Variants in CGNL1 observed in about 807,000 individuals in gnomAD.
CGNL1 encodes the protein cingulin like 1.
CGNL1 carries 132 observed loss-of-function variants against 141.2 expected under a neutral mutation model. The ratio of observed to expected loss-of-function variants is 0.93; its 90% CI spans 0.81 to 1.08. The LOEUF is 1.08. Among genes scored for constraint, CGNL1 ranks in the 50% least tolerant of loss-of-function variants. CGNL1 has a pLI of 0.00. For synonymous variants in CGNL1, 690 were observed against 622.1 expected, an observed-to-expected ratio of 1.11 and a Z score of -1.63; for missense variants, 1,870 against 1,588.6, an observed-to-expected ratio of 1.18 and a Z score of -3.01.
intron 13 of CGNL1, among the ~76,000 whole-genome samples, chr15:57,530,907 C>A (rs1054037793): frequency 2.6e-5 from 4 of 152,172 alleles, no homozygotes; most frequent in Non-Finnish European, 5.9e-5. Flanking sequence ...ACTTGGAATG[C>A]CAATTGCTTT....
At chr15:57,518,920 G>C (rs2031048164) in intron 10 of CGNL1, among the ~76,000 whole-genome samples, 1 of 152,252 alleles carries the variant, frequency 6.6e-6, no homozygotes, top group African/African-American at 2.4e-5. Context: ...AAGGCCGGCA[G>C]GACTGGCCTC....
intron 8 of CGNL1, among the ~76,000 whole-genome samples, chr15:57,493,900 G>A (rs544673322): frequency 1.3e-5 from 2 of 152,204 alleles, no homozygotes; most frequent in African/African-American, 4.8e-5. Flanking sequence ...ATTGGTCCAG[G>A]TACTGGAGCT....
rs530437837 is a variant in CGNL1 at position 57,461,709 on chromosome 15, A to G, written c.2220A>G (p.Gln740=). Residue 740 remains glutamine (Q), a synonymous_variant, in exon 8 of 19, where the codon CAA becomes CAG. Transcript: ENST00000281282. ...TCTTACAGGCAAAACAGGATCTTCA[A>G]GATCTGCTGATTGCCAAAGAGGAGC... ...EELLQAKQDL[Q]DLLIAKEEQE... is the part of the protein sequence containing the mutation. The G allele has an allele frequency of 1.2e-6, 2 of 1,614,132 alleles. No homozygotes were observed. Among genetic ancestry groups the G allele is most frequent in the African/African-American group, 1.3e-5 (1 of 75,040 alleles).
chr15:57,505,279 T>A (rs761711232), intron 8 of CGNL1, among the ~76,000 whole-genome samples: 8 of 152,196 alleles, frequency 5.3e-5, no homozygotes, highest in Non-Finnish European at 4.4e-5. Context: ...CACACCATTA[T>A]CTTTCATTTT....
chr15:57,486,611 G>A (rs2063788913), intron 8 of CGNL1, among the ~76,000 whole-genome samples: 1 of 152,188 alleles, frequency 6.6e-6, no homozygotes, highest in Admixed American at 6.5e-5. Context: ...AGCTTGTCAA[G>A]GGTGACCTTC....
At chr15:57,475,977 T>A (rs1324655110) in intron 8 of CGNL1, among the ~76,000 whole-genome samples, 1 of 152,132 alleles carries the variant, frequency 6.6e-6, no homozygotes, top group Non-Finnish European at 1.5e-5. Flanking sequence ...GTCCCTCGGG[T>A]GGCATTTATT....
chr15:57,503,601 G>GT (rs2064058804), intron 8 of CGNL1, among the ~76,000 whole-genome samples: 1 of 152,138 alleles, frequency 6.6e-6, no homozygotes, highest in Admixed American at 6.5e-5. Context: ...AGTGGAAGGG[G>GT]TGTGTTATTA....
intron 1 of CGNL1, among the ~76,000 whole-genome samples, chr15:57,395,352 A>C (rs1168944268): frequency 6.6e-6 from 1 of 152,236 alleles, no homozygotes; most frequent in Non-Finnish European, 1.5e-5. Context: ...TGCAAAAAGC[A>C]GCTAATGCTT....
At chr15:57,532,682 G>A (rs527343558) in intron 14 of CGNL1, among the ~76,000 whole-genome samples, 1 of 152,322 alleles carries the variant, frequency 6.6e-6, no homozygotes, top group Admixed American at 6.5e-5. Flanking sequence ...TCATAGGTGT[G>A]TGTACTGCTA....
intron 8 of CGNL1, among the ~76,000 whole-genome samples, chr15:57,475,797 C>T (rs1388077581): frequency 1.3e-5 from 2 of 151,956 alleles, no homozygotes; most frequent in Non-Finnish European, 2.9e-5. Context: ...TTCTTCTTTC[C>T]CCCGGCTCAT....
At chr15:57,476,956 T>A (rs1204058845) in intron 8 of CGNL1, among the ~76,000 whole-genome samples, 1 of 152,234 alleles carries the variant, frequency 6.6e-6, no homozygotes, top group Admixed American at 6.5e-5. Flanking sequence ...AACTTACAGA[T>A]GAAGGAGAGA....
intron 8 of CGNL1, among the ~76,000 whole-genome samples, chr15:57,467,728 T>G (rs2063527526): frequency 1.3e-5 from 2 of 148,382 alleles, no homozygotes; most frequent in Admixed American, 6.8e-5. Flanking sequence ...TGACTCTTGT[T>G]GCCCAGGCTG....
chr15:57,484,753 T>C (rs764623716), intron 8 of CGNL1, among the ~76,000 whole-genome samples: 17 of 152,188 alleles, frequency 1.1e-4, no homozygotes, highest in Non-Finnish European at 1.8e-4. Flanking sequence ...TGTGTGATGT[T>C]CCCCTCCCTG....
intron 1 of CGNL1, among the ~76,000 whole-genome samples, chr15:57,433,562 A>C (rs1398317933): frequency 6.6e-6 from 1 of 152,232 alleles, no homozygotes; most frequent in Non-Finnish European, 1.5e-5. Flanking sequence ...AGAGAGGCTC[A>C]GAAGTGGGAA....
intron 10 of CGNL1, among the ~76,000 whole-genome samples, chr15:57,519,081 A>T (rs1453697348): frequency 6.6e-6 from 1 of 152,214 alleles, no homozygotes; most frequent in East Asian, 1.9e-4. Context: ...CGCTATTCAA[A>T]ATCAGTAGGT....
intron 8 of CGNL1, among the ~76,000 whole-genome samples, chr15:57,498,685 A>C (rs1463452729): frequency 1.3e-5 from 2 of 152,180 alleles, no homozygotes; most frequent in African/African-American, 4.8e-5. Context: ...ACCCATGACA[A>C]GGCTTATGGA....
At chr15:57,432,226 G>A (rs916778890) in intron 1 of CGNL1, among the ~76,000 whole-genome samples, 31 of 152,144 alleles carry the variant, frequency 2.0e-4, no homozygotes, top group East Asian at 1.9e-4. Context: ...CATTTCCTCC[G>A]TAGCCACAGG....
At chr15:57,383,298 T>TTTTTTGTTTTG (rs2062444658) in intron 1 of CGNL1, among the ~76,000 whole-genome samples, 1 of 141,620 alleles carries the variant, frequency 7.1e-6, no homozygotes, top group Non-Finnish European at 1.5e-5. Context: ...CTTCCTTTTT[T>TTTTTTGTTTTG]TTTTTTTGTT....
At chr15:57,540,747 C>T (rs1401404511) in intron 14 of CGNL1, among the ~76,000 whole-genome samples, 4 of 152,212 alleles carry the variant, frequency 2.6e-5, no homozygotes, top group Non-Finnish European at 5.9e-5. Context: ...GTTCATTTGT[C>T]CCCCACTAGG....
Sources: gnomAD v4.1 joint callset for allele counts (sites outside exome capture counted in the v4.1 genomes callset) on GRCh38, gnomAD v4.1.1 for gene constraint, MANE v1.5 for transcripts, NCBI Gene and HGNC (gene_info 2026-07-23, HGNC 2026-07-21) for gene names.